The following STPG2 variants were observed in gnomAD, a reference collection of about 807,000 sequenced individuals.
The protein encoded by STPG2 is sperm tail PG-rich repeat containing 2.
STPG2 carries 56 observed loss-of-function variants against 54.2 expected under a neutral mutation model. The observed-to-expected ratio is 1.03, with a 90% CI of 0.83 to 1.29. STPG2 has a LOEUF of 1.29. Ranked by LOEUF, STPG2 falls within the 50% of genes most tolerant of loss-of-function variation. The pLI, the probability that STPG2 is intolerant of heterozygous loss-of-function variation, is 0.00. For missense variants in STPG2, 596 were observed against 544.9 expected (o/e 1.09, Z -0.93); for synonymous variants, 200 against 181.8 (o/e 1.10, Z -0.81).
At chr4:97,860,499 T>G (rs1729487830) in intron 8 of STPG2, among the ~76,000 whole-genome samples, 2 of 149,020 alleles carry the variant, frequency 1.3e-5, no homozygotes, top group African/African-American at 4.9e-5. Context: ...TTTATTTTAT[T>G]TTATTTTATT....
intron 8 of STPG2, among the ~76,000 whole-genome samples, chr4:97,862,848 C>G (rs1339349483): frequency 6.6e-6 from 1 of 151,968 alleles, no homozygotes; most frequent in Admixed American, 6.6e-5. Context: ...GAATGACTAC[C>G]GCATACGTAA....
chr4:97,990,540 T>C (rs1386459820), intron 5 of STPG2, among the ~76,000 whole-genome samples: 1 of 152,210 alleles, frequency 6.6e-6, no homozygotes, highest in African/African-American at 2.4e-5. Context: ...TTAGACCTAA[T>C]GAATCAGAAT....
chr4:97,706,841 GA>G (rs561333336), intron 10 of STPG2, among the ~76,000 whole-genome samples: 8 of 152,100 alleles, frequency 5.3e-5, no homozygotes, highest in Admixed American at 1.3e-4. Flanking sequence ...TAAGAAAAGA[GA>G]AAATGGAAAC....
chr4:97,920,240 T>A (rs1479134628), intron 8 of STPG2, among the ~76,000 whole-genome samples: 3 of 152,170 alleles, frequency 2.0e-5, no homozygotes, highest in Non-Finnish European at 4.4e-5. Flanking sequence ...AACCAAGGAA[T>A]AGAAGTTCAA....
At chr4:97,849,355 C>T (rs1262376613) in intron 8 of STPG2, among the ~76,000 whole-genome samples, 12 of 151,914 alleles carry the variant, frequency 7.9e-5, no homozygotes, top group Non-Finnish European at 1.2e-4. Flanking sequence ...AGGACATAGG[C>T]GTGGGCAAGG....
chr4:97,489,197 G>A (rs1031120779), intron 4 of STPG2, among the ~76,000 whole-genome samples: 12 of 151,814 alleles, frequency 7.9e-5, no homozygotes, highest in African/African-American at 2.9e-4. Flanking sequence ...TGATTGTGAG[G>A]CCTCCACACC....
intron 8 of STPG2, among the ~76,000 whole-genome samples, chr4:97,868,135 G>A (rs188895098): frequency 1.8e-4 from 28 of 151,830 alleles, no homozygotes; most frequent in African/African-American, 5.1e-4. Flanking sequence ...TTCCCTGTTC[G>A]TTTTTCATAG....
intron 9 of STPG2, among the ~76,000 whole-genome samples, chr4:97,739,846 C>T (rs1052325790): frequency 2.6e-5 from 4 of 152,054 alleles, no homozygotes; most frequent in African/African-American, 9.7e-5. Flanking sequence ...AGAGGGAATC[C>T]TCCCTAACTC....
intron 8 of STPG2, among the ~76,000 whole-genome samples, chr4:97,932,409 G>C (rs1420010068): frequency 6.6e-6 from 1 of 152,014 alleles, no homozygotes; most frequent in Non-Finnish European, 1.5e-5. Context: ...GAACATGCTA[G>C]TTTGTCACAT....
intron 10 of STPG2, among the ~76,000 whole-genome samples, chr4:97,599,026 C>G (rs1303414439): frequency 6.6e-6 from 1 of 152,162 alleles, no homozygotes; most frequent in Admixed American, 6.5e-5. Context: ...CTACAAAGGT[C>G]TAATATCCAG....
chr4:97,498,044 A>T (rs764325837), intron 4 of STPG2, among the ~76,000 whole-genome samples: 1 of 151,968 alleles, frequency 6.6e-6, no homozygotes, highest in Non-Finnish European at 1.5e-5. Flanking sequence ...AGTGAACTCT[A>T]GTGAAAGATG....
At chr4:97,889,457 T>C (rs1487527795) in intron 8 of STPG2, among the ~76,000 whole-genome samples, 1 of 152,160 alleles carries the variant, frequency 6.6e-6, no homozygotes, top group East Asian at 1.9e-4. Context: ...GAAAGTGCGG[T>C]ATATATACAT....
intron 8 of STPG2, among the ~76,000 whole-genome samples, chr4:97,854,143 TC>T (rs1421789224): frequency 6.6e-6 from 1 of 152,196 alleles, no homozygotes; most frequent in Non-Finnish European, 1.5e-5. Context: ...TATTTTAGCA[TC>T]CGTCTATCAG....
At position 97,930,314 on chromosome 4, in the gene STPG2, G is replaced by A. The variant is rs116401040; in HGVS notation, c.1044+13583C>T. 7.1e-3 allele frequency among the ~76,000 whole-genome samples: 1,080 copies of A among 152,306 alleles called. 5 individuals are homozygous for A. Among genetic ancestry groups the A allele is most frequent in the Non-Finnish European group, 0.012 (848 of 68,030 alleles). On this transcript the variant is annotated intron_variant, in intron 8 of 10. Transcript: ENST00000295268. ...TCAAGCGTTTTTAGAATTTTGGGTTGCACATGTAAGTCTTTAATCATCTTG... is the reference window on the plus strand; with the variant it reads ...TCAAGCGTTTTTAGAATTTTGGGTTACACATGTAAGTCTTTAATCATCTTG...
chr4:98,006,369 T>A (rs1735574967), intron 5 of STPG2, among the ~76,000 whole-genome samples: 1 of 152,030 alleles, frequency 6.6e-6, no homozygotes, highest in South Asian at 2.1e-4. Flanking sequence ...AAAGCTAACA[T>A]GAGGAGAGGC....
intron 10 of STPG2, among the ~76,000 whole-genome samples, chr4:97,562,053 T>C (rs1014791260): frequency 6.6e-6 from 1 of 152,190 alleles, no homozygotes; most frequent in African/African-American, 2.4e-5. Context: ...TTTCATGATA[T>C]TGATTCTTCC....
intron 7 of STPG2, among the ~76,000 whole-genome samples, chr4:97,944,633 A>C (rs1336091123): frequency 2.6e-5 from 4 of 152,248 alleles, no homozygotes; most frequent in Non-Finnish European, 5.9e-5. Flanking sequence ...GTATATGCAA[A>C]AGGGGTAAGA....
At chr4:97,634,345 T>C (rs1721422458) in intron 10 of STPG2, among the ~76,000 whole-genome samples, 2 of 151,920 alleles carry the variant, frequency 1.3e-5, no homozygotes. Context: ...CATCTGTACA[T>C]CACCATCATC....
intron 8 of STPG2, among the ~76,000 whole-genome samples, chr4:97,851,931 G>C (rs1729171725): frequency 6.6e-6 from 1 of 152,144 alleles, no homozygotes; most frequent in South Asian, 2.1e-4. Flanking sequence ...CTGAGGCAGA[G>C]AATAAGCAGA....
Sources: gnomAD v4.1 joint callset for allele counts (sites outside exome capture counted in the v4.1 genomes callset) on GRCh38, gnomAD v4.1.1 for gene constraint, MANE v1.5 for transcripts, NCBI Gene and HGNC (gene_info 2026-07-23, HGNC 2026-07-21) for gene names.